MSH3: variants seen among roughly 807,000 people sequenced by gnomAD.
The protein encoded by MSH3 is DNA mismatch repair protein Msh3.
A neutral mutation model predicts 123.3 loss-of-function variants in MSH3; 106 were observed. That is an observed-to-expected ratio of 0.86 (90% CI 0.73 to 1.01). The LOEUF (loss-of-function observed/expected upper bound fraction) is 1.01, where lower values mean the gene tolerates loss of function less well. MSH3 is among the 50% of genes least tolerant of loss of function. The pLI is 0.00. For missense variants in MSH3, 1,459 were observed against 1,347.6 expected, an observed-to-expected ratio of 1.08 and a Z score of -1.29; for synonymous variants, 515 against 481.4, an observed-to-expected ratio of 1.07 and a Z score of -0.91.
At chr5:80,855,224 C>T (rs992612945) in intron 21 of MSH3, among the ~76,000 whole-genome samples, 1 of 151,984 alleles carries the variant, frequency 6.6e-6, no homozygotes, top group African/African-American at 2.4e-5. Flanking sequence ...TTAGGTCTTT[C>T]CCTTCTCTGG....
chr5:80,760,100 T>C (rs546925207), intron 12 of MSH3, among the ~76,000 whole-genome samples: 12 of 152,224 alleles, frequency 7.9e-5, no homozygotes, highest in Non-Finnish European at 1.6e-4. Context: ...TTGCTTTTCA[T>C]ATCAGTGTGT....
intron 8 of MSH3, among the ~76,000 whole-genome samples, chr5:80,713,941 A>G (rs775479606): frequency 3.0e-4 from 45 of 152,120 alleles, no homozygotes; most frequent in Non-Finnish European, 2.5e-4. Flanking sequence ...CCGGTGTCCC[A>G]CAGACTACAG....
chr5:80,845,843 A>AGT, intron 20 of MSH3, among the ~76,000 whole-genome samples: 1 of 152,160 alleles, frequency 6.6e-6, no homozygotes, highest in Non-Finnish European at 1.5e-5. Context: ...GTGATGGGTT[A>AGT]GAACATGCTC....
intron 8 of MSH3, among the ~76,000 whole-genome samples, chr5:80,707,477 C>T (rs1340756346): frequency 2.0e-5 from 3 of 152,080 alleles, no homozygotes; most frequent in Non-Finnish European, 2.9e-5. Flanking sequence ...AATCCCAGCA[C>T]TTTGGGAGGC....
chr5:80,792,172 G>A (rs985192241), intron 18 of MSH3, among the ~76,000 whole-genome samples: 2 of 152,062 alleles, frequency 1.3e-5, no homozygotes, highest in African/African-American at 4.8e-5. Flanking sequence ...ATGAAAATAA[G>A]TAGCAATAAT....
At chr5:80,829,749 A>G (rs1745387173) in intron 20 of MSH3, among the ~76,000 whole-genome samples, 1 of 152,202 alleles carries the variant, frequency 6.6e-6, no homozygotes, top group African/African-American at 2.4e-5. Flanking sequence ...GCCTTATAGA[A>G]TGTGTCAGGA....
chr5:80,675,021 G>T lies in MSH3; in HGVS notation c.1066G>T (p.Val356Phe). 6.2e-7 allele frequency: 1 copy of T among 1,612,366 alleles called. No homozygotes were observed. The highest frequency in any genetic ancestry group is 1.1e-5 in the South Asian group (1 of 91,048). Residue 356 changes from valine to phenylalanine, a missense_variant, in exon 7 of 24, where the codon GTT (valine) becomes TTT (phenylalanine). Val to Phe is a conservative substitution (Grantham distance 50, BLOSUM62 -1). Coordinates refer to ENST00000265081, the MANE Select transcript of MSH3 (RefSeq NM_002439.5). The stretch of plus-strand genomic sequence containing the variant: ...AATCAAGCTGGATGATGCTGTAAAT[G>T]TTGATGAGATAATGACTGATACTTC... ...PLIKLDDAVN[V>F]DEIMTDTSTS...
intron 17 of MSH3, among the ~76,000 whole-genome samples, chr5:80,782,393 T>C (rs1561476761): frequency 6.6e-6 from 1 of 152,144 alleles, no homozygotes; most frequent in Non-Finnish European, 1.5e-5. Context: ...AACAGTACAG[T>C]ATAACTGCTA....
chr5:80,762,007 A>G (rs937113673), intron 13 of MSH3, among the ~76,000 whole-genome samples: 4 of 149,486 alleles, frequency 2.7e-5, no homozygotes, highest in South Asian at 2.1e-4. Context: ...GTTATTTTAG[A>G]AAAAAAAAAC....
At chr5:80,775,595 T>C in intron 15 of MSH3, 99 bp from the exon 16 acceptor site, 2 of 717,764 alleles carry the variant, frequency 2.8e-6, no homozygotes, top group East Asian at 2.7e-5. Context: ...CTTGAGTGTT[T>C]AACAATATAT....
chr5:80,786,765 A>G (rs897813050), intron 17 of MSH3, among the ~76,000 whole-genome samples: 1 of 152,212 alleles, frequency 6.6e-6, no homozygotes, highest in Non-Finnish European at 1.5e-5. Flanking sequence ...ACATTGACAT[A>G]AAATACTATG....
chr5:80,707,577 C>T (rs941557814), intron 8 of MSH3, among the ~76,000 whole-genome samples: 1 of 150,386 alleles, frequency 6.6e-6, no homozygotes, highest in East Asian at 1.9e-4. Flanking sequence ...AACAAAAAAA[C>T]CCCAAAAAGC....
intron 12 of MSH3, among the ~76,000 whole-genome samples, chr5:80,754,839 A>G (rs767295914): frequency 1.3e-5 from 2 of 152,094 alleles, no homozygotes; most frequent in Non-Finnish European, 2.9e-5. Flanking sequence ...TTGTATTTCT[A>G]ATTTGTTACC....
chr5:80,770,768 T>G (rs188506746), intron 15 of MSH3, among the ~76,000 whole-genome samples: 331 of 152,330 alleles, frequency 2.2e-3, no homozygotes, highest in Admixed American at 6.1e-3. Flanking sequence ...ATTTTAGAGC[T>G]CATAGTATTC....
chr5:80,818,064 T>TA (rs1470477642), intron 20 of MSH3, among the ~76,000 whole-genome samples: 1 of 151,922 alleles, frequency 6.6e-6, no homozygotes, highest in Non-Finnish European at 1.5e-5. Context: ...ACTAAAAATA[T>TA]AAAAAATAGC....
intron 8 of MSH3, among the ~76,000 whole-genome samples, chr5:80,723,057 C>A (rs1376037351): frequency 6.6e-6 from 1 of 151,594 alleles, no homozygotes; most frequent in Non-Finnish European, 1.5e-5. Context: ...GCAATGAGCC[C>A]TGGTCCAGCC....
intron 11 of MSH3, 112 bp from the exon 12 acceptor site, chr5:80,744,394 A>G (rs1439514354): frequency 2.7e-6 from 2 of 743,296 alleles, no homozygotes; most frequent in Admixed American, 2.1e-5. Flanking sequence ...AACACCTGTT[A>G]TGAGCCACAT....
chr5:80,774,036 G>A (rs1744257670), intron 15 of MSH3, among the ~76,000 whole-genome samples: 2 of 152,126 alleles, frequency 1.3e-5, no homozygotes, highest in Non-Finnish European at 2.9e-5. Context: ...CCAAAGTGCT[G>A]GGATTACAGG....
chr5:80,865,653 A>G (rs1746086277), intron 22 of MSH3, among the ~76,000 whole-genome samples: 1 of 152,166 alleles, frequency 6.6e-6, no homozygotes, highest in South Asian at 2.1e-4. Context: ...AATACAGTAG[A>G]CTTTAGCATT....
Sources: allele counts gnomAD v4.1 joint callset (sites outside exome capture counted in the v4.1 genomes callset), GRCh38; gene constraint gnomAD v4.1.1; transcripts MANE v1.5; gene names NCBI Gene and HGNC (gene_info 2026-07-23, HGNC 2026-07-21).